The following ARFGEF1 variants were observed in gnomAD, a reference collection of about 807,000 sequenced individuals.
ARFGEF1 encodes brefeldin A-inhibited guanine nucleotide-exchange protein 1.
Under a neutral mutation model 231.0 loss-of-function variants are expected in ARFGEF1, and 42 were observed. The observed-to-expected ratio is 0.18, with a 90% CI of 0.14 to 0.24. ARFGEF1 has a LOEUF of 0.24. ARFGEF1 is among the 10% of genes least tolerant of loss of function. The probability of loss-of-function intolerance (pLI) is 1.00; values close to 1 mark genes in which losing one functional copy is unlikely to be tolerated. For missense variants in ARFGEF1, 1,345 were observed against 2,192.0 expected, an observed-to-expected ratio of 0.61 and a Z score of 7.72; for synonymous variants, 710 against 732.3, an observed-to-expected ratio of 0.97 and a Z score of 0.49.
chr8:67,326,320 C>A (rs1290786179), intron 1 of ARFGEF1, among the ~76,000 whole-genome samples: 2 of 152,166 alleles, frequency 1.3e-5, no homozygotes, highest in African/African-American at 4.8e-5. Flanking sequence ...TTGAAAAGAA[C>A]TTGGTATCCA....
At chr8:67,275,608 AATTC>A (rs1444598200) in intron 9 of ARFGEF1, among the ~76,000 whole-genome samples, 5 of 152,150 alleles carry the variant, frequency 3.3e-5, no homozygotes, top group African/African-American at 1.2e-4. Flanking sequence ...TGGAAATAAG[AATTC>A]ATTAATTCAT....
intron 1 of ARFGEF1, among the ~76,000 whole-genome samples, chr8:67,312,070 A>C (rs1033789246): frequency 5.9e-5 from 9 of 151,986 alleles, no homozygotes; most frequent in African/African-American, 2.2e-4. Flanking sequence ...ACCACTCCCT[A>C]ATCTCAAGTA....
chr8:67,209,453 T>C (rs1274974119), intron 34 of ARFGEF1, among the ~76,000 whole-genome samples: 2 of 152,170 alleles, frequency 1.3e-5, no homozygotes, highest in Non-Finnish European at 2.9e-5. Context: ...ATAACAGTTA[T>C]GGGGCTGGGG....
chr8:67,250,800 A>G (rs1394455277), intron 19 of ARFGEF1, among the ~76,000 whole-genome samples: 2 of 152,226 alleles, frequency 1.3e-5, no homozygotes. Context: ...AAGGAATGGG[A>G]AATCAAATTT....
At chr8:67,334,004 C>T (rs35017613) in intron 1 of ARFGEF1, among the ~76,000 whole-genome samples, 43,034 of 151,664 alleles carry the variant, frequency 0.28, 6,237 homozygotes, top group East Asian at 0.38. Flanking sequence ...AGCATGGTGG[C>T]GCATGCCTGT....
At chr8:67,223,731 G>A (rs911670152) in intron 29 of ARFGEF1, among the ~76,000 whole-genome samples, 6 of 152,098 alleles carry the variant, frequency 3.9e-5, no homozygotes, top group African/African-American at 1.2e-4. Context: ...CCATCAAACA[G>A]ACTTCTACAA....
chr8:67,311,168 T>C (rs1205162441), intron 1 of ARFGEF1, among the ~76,000 whole-genome samples: 1 of 141,020 alleles, frequency 7.1e-6, no homozygotes, highest in Non-Finnish European at 1.5e-5. Context: ...GGGGCGCCTC[T>C]GCCCGGCCGC....
rs775125363 is a variant in ARFGEF1, at chr8:67,310,969, G to GGGGTCAGCTC, written c.125-8504_125-8503insGAGCTGACCC. On this transcript the variant is annotated intron_variant, in intron 1 of 38. Coordinates refer to ENST00000262215, the MANE Select transcript of ARFGEF1 (RefSeq NM_006421.5). ...CCACCCCGTCCAGGAGGGAGGTGGG[G>GGGGTCAGCTC]CCCGGGAGGGAGGTTGGGGGGTCAG... is the stretch of plus-strand genomic sequence containing the variant. Among the ~76,000 whole-genome samples the GGGGTCAGCTC allele has an allele frequency of 1.3e-3, 6 of 4,602 alleles. 1 individual carries two copies. Among genetic ancestry groups the GGGGTCAGCTC allele is most frequent in the Middle Eastern group, 0.2 (2 of 10 alleles). The allele number at this position is 4,602 out of a possible 152,430, so 3.0% of individuals were successfully genotyped here.
At chr8:67,257,548 A>G (rs1587147776) in intron 17 of ARFGEF1, among the ~76,000 whole-genome samples, 184 bp downstream of exon 17, 1 of 152,084 alleles carries the variant, frequency 6.6e-6, no homozygotes, top group Non-Finnish European at 1.5e-5. Flanking sequence ...GATACCTAAA[A>G]GTCTAATTTT....
intron 9 of ARFGEF1, among the ~76,000 whole-genome samples, chr8:67,273,551 G>T (rs934500090): frequency 6.6e-6 from 1 of 150,596 alleles, no homozygotes; most frequent in African/African-American, 2.4e-5. Context: ...AGTAATTCAA[G>T]AAGCTACGTA....
intron 4 of ARFGEF1, among the ~76,000 whole-genome samples, chr8:67,297,042 G>A (rs1311228845): frequency 1.3e-5 from 2 of 152,122 alleles, no homozygotes; most frequent in Admixed American, 6.5e-5. Context: ...TACCACTTGC[G>A]GGTAGTATAC....
intron 1 of ARFGEF1, among the ~76,000 whole-genome samples, chr8:67,329,512 G>A (rs1374620637): frequency 6.7e-6 from 1 of 150,250 alleles, no homozygotes; most frequent in African/African-American, 2.5e-5. Flanking sequence ...CTGGGCGACA[G>A]AGTAAGACTC....
intron 7 of ARFGEF1, among the ~76,000 whole-genome samples, chr8:67,286,240 ATAAAG>A (rs1805753101): frequency 6.6e-6 from 1 of 152,256 alleles, no homozygotes; most frequent in African/African-American, 2.4e-5. Context: ...TTAAAGATAC[ATAAAG>A]TAAACATAGC....
intron 15 of ARFGEF1, 53 bp downstream of exon 15, chr8:67,259,758 GAAAA>G (rs568325053): frequency 7.7e-7 from 1 of 1,301,208 alleles, no homozygotes; most frequent in African/African-American, 1.5e-5. Context: ...CTAATAAAAA[GAAAA>G]AAAAATCCCA....
chr8:67,256,891 C>A (rs1339256378), intron 17 of ARFGEF1, among the ~76,000 whole-genome samples: 1 of 152,070 alleles, frequency 6.6e-6, no homozygotes, highest in Non-Finnish European at 1.5e-5. Flanking sequence ...TAGAGTACTT[C>A]TCTTTTAGAG....
In ARFGEF1 at chr8:67,286,228, A is replaced by G. The variant is rs374297633; in HGVS notation, c.1027+1727T>C. Among the ~76,000 whole-genome samples, 20 of 152,348 alleles carry G rather than the reference A, an allele frequency of 1.3e-4. 1 individual carries two copies. Among genetic ancestry groups the G allele is most frequent in the African/African-American group, 4.3e-4 (18 of 41,588 alleles). ...AAGACACATACATTATGTGCATGGT[A>G]TTTAAAGATACATAAAGTAAACATA... On this transcript the variant is annotated intron_variant, in intron 7 of 38. Transcript: ENST00000262215.
intron 1 of ARFGEF1, among the ~76,000 whole-genome samples, chr8:67,318,222 GC>G (rs1220228654): frequency 7.4e-6 from 1 of 134,838 alleles, no homozygotes; most frequent in Non-Finnish European, 1.5e-5. Context: ...AGGCAGCAGA[GC>G]CAGACTCCGT....
intron 34 of ARFGEF1, among the ~76,000 whole-genome samples, chr8:67,209,574 T>C (rs1838649939): frequency 6.6e-6 from 1 of 152,226 alleles, no homozygotes; most frequent in South Asian, 2.1e-4. Context: ...ATTTCTGTTA[T>C]GTAAATTTCA....
Position 67,294,337 on chromosome 8 carries a change from G to C in ARFGEF1, c.639+2094C>G, listed in dbSNP as rs146763688. Among the ~76,000 whole-genome samples the C allele has an allele frequency of 5.8e-4, 89 of 152,224 alleles. No individual in the cohort carries two copies. The East Asian group carries it at 0.016, about 28-fold the overall frequency. On this transcript the variant is annotated intron_variant, in intron 5 of 38. Coordinates refer to ENST00000262215, the MANE Select transcript of ARFGEF1 (RefSeq NM_006421.5). Reference sequence around the variant, plus strand: ...ATGTGACGAATACCAAAAATGAAAAGCAGAGAGTAACAAATGAGTCTAACT... The same window carrying C: ...ATGTGACGAATACCAAAAATGAAAACCAGAGAGTAACAAATGAGTCTAACT...
Sources: gnomAD v4.1 joint callset for allele counts (sites outside exome capture counted in the v4.1 genomes callset) on GRCh38, gnomAD v4.1.1 for gene constraint, MANE v1.5 for transcripts, NCBI Gene and HGNC (gene_info 2026-07-23, HGNC 2026-07-21) for gene names.